The following MAGI1 variants were observed in gnomAD, a reference collection of about 807,000 sequenced individuals.
MAGI1 encodes membrane associated guanylate kinase, WW and PDZ domain containing 1.
In MAGI1, 58 loss-of-function variants were observed where a neutral mutation model predicts 139.9. That is an observed-to-expected ratio of 0.41 (90% confidence interval 0.34 to 0.52). MAGI1 has a LOEUF of 0.52. Among genes scored for constraint, MAGI1 ranks in the 20% least tolerant of loss-of-function variants. The pLI is 0.12. For synonymous variants in MAGI1, 812 were observed against 737.9 expected (o/e 1.10, Z -1.63); for missense variants, 1,874 against 1,901.6 (o/e 0.99, Z 0.27).
intron 2 of MAGI1, among the ~76,000 whole-genome samples, chr3:65,618,580 T>G (rs986677338): frequency 6.6e-6 from 1 of 152,246 alleles, no homozygotes; most frequent in African/African-American, 2.4e-5. Flanking sequence ...TTTTTTTTCT[T>G]TTACTCTCAA....
At chr3:65,629,830 T>C (rs1286120630) in intron 1 of MAGI1, among the ~76,000 whole-genome samples, 1 of 151,854 alleles carries the variant, frequency 6.6e-6, no homozygotes, top group African/African-American at 2.4e-5. Flanking sequence ...CACTTGTGGA[T>C]GCTGAAAAAG....
intron 2 of MAGI1, among the ~76,000 whole-genome samples, chr3:65,545,709 G>A (rs1195473648): frequency 6.6e-6 from 1 of 151,940 alleles, no homozygotes; most frequent in Non-Finnish European, 1.5e-5. Flanking sequence ...CCTCCCTCAT[G>A]AGCAATCTCT....
chr3:65,472,653 C>A (rs1201758347), intron 4 of MAGI1, among the ~76,000 whole-genome samples: 3 of 152,154 alleles, frequency 2.0e-5, no homozygotes. Flanking sequence ...GAGAGTGGTG[C>A]AGTCTCTGGC....
chr3:65,643,279 T>C (rs1046284394), intron 1 of MAGI1, among the ~76,000 whole-genome samples: 1 of 152,206 alleles, frequency 6.6e-6, no homozygotes, highest in Non-Finnish European at 1.5e-5. Flanking sequence ...TTAGTACTTA[T>C]TATTCTACTT....
At chr3:65,557,141 T>C (rs1414058693) in intron 2 of MAGI1, among the ~76,000 whole-genome samples, 3 of 152,322 alleles carry the variant, frequency 2.0e-5, no homozygotes, top group South Asian at 4.1e-4. Context: ...CTCTTGTGTA[T>C]TGTCTTCCCA....
chr3:65,912,163 T>A (rs1237023586), intron 1 of MAGI1, among the ~76,000 whole-genome samples: 1 of 150,304 alleles, frequency 6.7e-6, no homozygotes, highest in Non-Finnish European at 1.5e-5. Flanking sequence ...GAACCCAATC[T>A]TGAAAGCTAT....
chr3:65,751,431 T>A (rs533285646), intron 1 of MAGI1, among the ~76,000 whole-genome samples: 1 of 152,330 alleles, frequency 6.6e-6, no homozygotes, highest in East Asian at 1.9e-4. Flanking sequence ...CTACTTTTGA[T>A]GTCTCTTTTC....
At chr3:65,665,659 G>A (rs1414876635) in intron 1 of MAGI1, among the ~76,000 whole-genome samples, 1 of 152,156 alleles carries the variant, frequency 6.6e-6, no homozygotes, top group Non-Finnish European at 1.5e-5. Context: ...CTAATTAAGT[G>A]TTCATGGTGA....
At chr3:65,802,893 T>TGTGTGTGTGTGTG (rs1553709744) in intron 1 of MAGI1, among the ~76,000 whole-genome samples, 1 of 151,248 alleles carries the variant, frequency 6.6e-6, no homozygotes, top group Non-Finnish European at 1.5e-5. Context: ...TGTGTGTGTC[T>TGTGTGTGTGTGTG]TTTGTTGGCA....
At chr3:65,434,391 G>A (rs1004144207) in intron 10 of MAGI1, among the ~76,000 whole-genome samples, 5 of 152,144 alleles carry the variant, frequency 3.3e-5, no homozygotes, top group Non-Finnish European at 5.9e-5. Flanking sequence ...TGGAGGGGTA[G>A]CTGCAAAAAT....
intron 1 of MAGI1, among the ~76,000 whole-genome samples, chr3:65,631,792 T>C (rs940547724): frequency 6.6e-6 from 1 of 151,972 alleles, no homozygotes; most frequent in Non-Finnish European, 1.5e-5. Flanking sequence ...GGCAGGTGGA[T>C]CACATGAGGT....
Position 65,918,619 on chromosome 3 carries a change from T to C in MAGI1, c.313+119377A>G, listed in dbSNP as rs574787031. 3.8e-4 allele frequency among the ~76,000 whole-genome samples: 58 copies of C among 152,226 alleles called. 2 individuals carry two copies. In the South Asian group the frequency reaches 6.2e-3, roughly 16 times the overall value. On this transcript the variant is annotated intron_variant, in intron 1 of 22. Coordinates refer to ENST00000402939, the MANE Select transcript of MAGI1 (RefSeq NM_001033057.2). ...TGGTCTCAATCTCGTGACCTCATGA[T>C]CCGCCTGCCTTGGCCTCCCAAAATG...
At chr3:65,410,935 T>C (rs1184229309) in intron 12 of MAGI1, among the ~76,000 whole-genome samples, 1 of 152,180 alleles carries the variant, frequency 6.6e-6, no homozygotes, top group Non-Finnish European at 1.5e-5. Flanking sequence ...CGCTACCTAA[T>C]AACAAAATTT....
At chr3:65,364,750 TAA>T in intron 19 of MAGI1, 25 bp from the exon 20 acceptor site, 1 of 1,612,200 alleles carries the variant, frequency 6.2e-7, no homozygotes, top group Non-Finnish European at 8.5e-7. Context: ...GAAATAAATA[TAA>T]GAGCAACCCA....
At chr3:65,561,045 TAGAC>T (rs1265374128) in intron 2 of MAGI1, among the ~76,000 whole-genome samples, 1 of 152,152 alleles carries the variant, frequency 6.6e-6, no homozygotes, top group Admixed American at 6.5e-5. Flanking sequence ...CCAAGGCACT[TAGAC>T]AGCGTTAGAC....
chr3:65,792,678 C>T (rs1256983832), intron 1 of MAGI1, among the ~76,000 whole-genome samples: 1 of 152,026 alleles, frequency 6.6e-6, no homozygotes, highest in Non-Finnish European at 1.5e-5. Context: ...GTGGCGTATA[C>T]AGCATGGGTC....
chr3:65,840,156 T>C (rs889376484), intron 1 of MAGI1, among the ~76,000 whole-genome samples: 1 of 152,108 alleles, frequency 6.6e-6, no homozygotes, highest in Admixed American at 6.6e-5. Context: ...AGATTTTTTT[T>C]TTTTTTGGTA....
At chr3:65,720,945 T>G (rs1019937064) in intron 1 of MAGI1, among the ~76,000 whole-genome samples, 2 of 151,996 alleles carry the variant, frequency 1.3e-5, no homozygotes, top group East Asian at 1.9e-4. Context: ...TTTCACCATG[T>G]TGCCCAGGCT....
chr3:65,762,690 G>A (rs1297244592), intron 1 of MAGI1, among the ~76,000 whole-genome samples: 1 of 148,170 alleles, frequency 6.7e-6, no homozygotes, highest in Non-Finnish European at 1.5e-5. Context: ...TAGGCACTCT[G>A]CTAAGTCCTC....
Sources: allele counts gnomAD v4.1 joint callset (sites outside exome capture counted in the v4.1 genomes callset), GRCh38; gene constraint gnomAD v4.1.1; transcripts MANE v1.5; gene names NCBI Gene and HGNC (gene_info 2026-07-23, HGNC 2026-07-21).